Variants in RALYL observed in about 807,000 individuals in gnomAD.
RALYL encodes the protein RALY RNA binding protein like, also known as RNA-binding Raly-like protein.
Under a neutral mutation model 35.1 loss-of-function variants are expected in RALYL, and 29 were observed. That is an observed-to-expected ratio of 0.83 (90% CI 0.61 to 1.13). The LOEUF (loss-of-function observed/expected upper bound fraction) is 1.13, where lower values mean the gene tolerates loss of function less well. Ranked by LOEUF, RALYL falls within the 50% of genes most tolerant of loss-of-function variation. The probability of loss-of-function intolerance (pLI) is 0.00; values close to 1 mark genes in which losing one functional copy is unlikely to be tolerated. For missense variants in RALYL, 359 were observed against 360.4 expected, an observed-to-expected ratio of 1.00 and a Z score of 0.03; for synonymous variants, 120 against 127.6, an observed-to-expected ratio of 0.94 and a Z score of 0.40.
At chr8:84,299,964 C>T (rs1840465200) in intron 1 of RALYL, among the ~76,000 whole-genome samples, 1 of 151,838 alleles carries the variant, frequency 6.6e-6, no homozygotes, top group Non-Finnish European at 1.5e-5. Flanking sequence ...ACATTCAGTT[C>T]AGTTCTGATT....
At chr8:84,300,373 T>C (rs530938248) in intron 1 of RALYL, among the ~76,000 whole-genome samples, 1 of 152,146 alleles carries the variant, frequency 6.6e-6, no homozygotes, top group South Asian at 2.1e-4. Context: ...ATGTGGTTTT[T>C]AGAGTATGTG....
chr8:84,735,808 C>CTG (rs1563478070), intron 2 of RALYL, among the ~76,000 whole-genome samples: 2 of 106,682 alleles, frequency 1.9e-5, no homozygotes, highest in African/African-American at 8.8e-5. Flanking sequence ...ATCATCCAAA[C>CTG]CGCGAGAGAG....
intron 8 of RALYL, among the ~76,000 whole-genome samples, chr8:84,896,180 G>A (rs1181919499): frequency 1.3e-5 from 2 of 152,100 alleles, no homozygotes; most frequent in African/African-American, 4.8e-5. Flanking sequence ...GACCCACAAG[G>A]TGCACTTGGT....
Position 84,819,227 on chromosome 8 carries a change from A to C in RALYL, c.365+14425A>C, listed in dbSNP as rs552164293. On this transcript the variant is annotated intron_variant, in intron 4 of 8. Coordinates refer to ENST00000521268, the MANE Select transcript of RALYL (RefSeq NM_173848.7). ...TTTTTTCCCCAAAGCCCTCCAGGCT[A>C]CTTCTCTGGAGAGTACACAAAGTTT... 2.6e-5 allele frequency among the ~76,000 whole-genome samples: 4 copies of C among 152,266 alleles called. No homozygotes were observed. The East Asian group carries it at 7.7e-4, about 29-fold the overall frequency.
At chr8:84,816,201 T>G (rs375493052) in intron 4 of RALYL, among the ~76,000 whole-genome samples, 1 of 152,154 alleles carries the variant, frequency 6.6e-6, no homozygotes, top group Admixed American at 6.5e-5. Flanking sequence ...ATCCTTCATT[T>G]GAAGACTGAG....
At chr8:84,453,850 T>C (rs2049808695) in intron 1 of RALYL, among the ~76,000 whole-genome samples, 1 of 152,032 alleles carries the variant, frequency 6.6e-6, no homozygotes, top group Admixed American at 6.6e-5. Context: ...GAAAGAATAT[T>C]TTAAAGCCTT....
Position 84,615,570 on chromosome 8 carries a change from CTTTTT to C in RALYL, c.256+86019_256+86023del, listed in dbSNP as rs60428128. Among the ~76,000 whole-genome samples, 3 of 67,364 alleles carry C rather than the reference CTTTTT, an allele frequency of 4.5e-5. No homozygotes were observed. The Admixed American group carries it at 5.6e-4, about 12-fold the overall frequency. The allele number at this position is 67,364 out of a possible 152,430, so 44.2% of individuals were successfully genotyped here. ...GAGAGCCTGACTATAGAACTTTCGT[CTTTTT>C]TTTTTTTTTTTTTTTTTTTTTTTTT... On this transcript the variant is annotated intron_variant, in intron 2 of 8. Transcript: ENST00000521268.
chr8:84,412,675 C>G (rs1226639952), intron 1 of RALYL, among the ~76,000 whole-genome samples: 1 of 151,960 alleles, frequency 6.6e-6, no homozygotes, highest in Admixed American at 6.6e-5. Context: ...TCTGCAATCT[C>G]TCTCAAATAA....
chr8:84,348,499 G>T (rs138840071), intron 1 of RALYL, among the ~76,000 whole-genome samples: 14 of 151,982 alleles, frequency 9.2e-5, no homozygotes, highest in African/African-American at 3.1e-4. Context: ...TTACAAAGTG[G>T]GTTATTTTAC....
In RALYL at chr8:84,779,028, C is replaced by A. The variant is rs147344135; in HGVS notation, c.332+4374C>A. Among the ~76,000 whole-genome samples, 134 of 152,274 alleles carry A rather than the reference C, an allele frequency of 8.8e-4. 2 individuals carry two copies. In the Middle Eastern group the frequency reaches 0.01, roughly 12 times the overall value. On this transcript the variant is annotated intron_variant, in intron 3 of 8. Coordinates refer to ENST00000521268, the MANE Select transcript of RALYL (RefSeq NM_173848.7). The stretch of plus-strand genomic sequence containing the variant: ...CAATAAAAATGTCTCCCATTAGAGT[C>A]TATTTGTAAATGAAACATAATTAAT...
chr8:84,272,142 T>C (rs1327569846), intron 1 of RALYL, among the ~76,000 whole-genome samples: 1 of 152,014 alleles, frequency 6.6e-6, no homozygotes, highest in Non-Finnish European at 1.5e-5. Flanking sequence ...GCCCAGGCTG[T>C]AGTGCAATGG....
At chr8:84,214,509 T>G (rs979047740) in intron 1 of RALYL, among the ~76,000 whole-genome samples, 1 of 152,202 alleles carries the variant, frequency 6.6e-6, no homozygotes, top group Non-Finnish European at 1.5e-5. Context: ...TAAATACTTC[T>G]AAAATGTGCA....
At chr8:84,827,692 A>G (rs548220486) in intron 4 of RALYL, among the ~76,000 whole-genome samples, 1 of 152,238 alleles carries the variant, frequency 6.6e-6, no homozygotes, top group South Asian at 2.1e-4. Flanking sequence ...AATATATTTT[A>G]TTAAATATCG....
intron 1 of RALYL, among the ~76,000 whole-genome samples, chr8:84,444,363 G>T (rs1563942018): frequency 6.6e-6 from 1 of 151,220 alleles, no homozygotes; most frequent in African/African-American, 2.4e-5. Flanking sequence ...AAACAACAAT[G>T]AAAAAAAACA....
At chr8:84,311,090 A>ATATATATAT (rs1481265344) in intron 1 of RALYL, among the ~76,000 whole-genome samples, 2 of 99,770 alleles carry the variant, frequency 2.0e-5, no homozygotes, top group East Asian at 3.5e-4. Flanking sequence ...AAAAAAAAAA[A>ATATATATAT]ATGTATATTA....
chr8:84,616,946 T>C (rs1188344546), intron 2 of RALYL, among the ~76,000 whole-genome samples: 1 of 150,022 alleles, frequency 6.7e-6, no homozygotes, highest in Non-Finnish European at 1.5e-5. Flanking sequence ...GTTCCATTGA[T>C]CTATATCTCT....
At chr8:84,563,163 A>C (rs1398968107) in intron 2 of RALYL, among the ~76,000 whole-genome samples, 1 of 151,816 alleles carries the variant, frequency 6.6e-6, no homozygotes, top group Non-Finnish European at 1.5e-5. Context: ...CAATTTCCTA[A>C]GTCCTTCAGT....
intron 2 of RALYL, among the ~76,000 whole-genome samples, chr8:84,565,720 A>G (rs1014628708): frequency 5.9e-5 from 9 of 151,588 alleles, no homozygotes; most frequent in African/African-American, 1.9e-4. Context: ...TGAAGTGCCA[A>G]CTAAAGAAGG....
At chr8:84,592,333 C>A (rs1022971121) in intron 2 of RALYL, among the ~76,000 whole-genome samples, 1 of 152,124 alleles carries the variant, frequency 6.6e-6, no homozygotes, top group Non-Finnish European at 1.5e-5. Context: ...AGTTTCCTTT[C>A]AAAAATAACC....
Sources: allele counts gnomAD v4.1 joint callset (sites outside exome capture counted in the v4.1 genomes callset), GRCh38; gene constraint gnomAD v4.1.1; transcripts MANE v1.5; gene names NCBI Gene and HGNC (gene_info 2026-07-23, HGNC 2026-07-21).